BRIP1: variants seen among roughly 807,000 people sequenced by gnomAD.
BRIP1 encodes the protein Fanconi anemia group J protein.
A neutral mutation model predicts 119.7 loss-of-function variants in BRIP1; 88 were observed. That is an observed-to-expected ratio of 0.74 (90% confidence interval 0.62 to 0.88). BRIP1 has a LOEUF of 0.88. Ranked by LOEUF, BRIP1 falls within the 40% of genes least tolerant of loss-of-function variation. The pLI is 0.00. For missense variants in BRIP1, 1,259 were observed against 1,455.4 expected (o/e 0.87, Z 2.20); for synonymous variants, 443 against 496.5 (o/e 0.89, Z 1.43).
At chr17:61,765,488 G>C (rs1209407637) in intron 14 of BRIP1, among the ~76,000 whole-genome samples, 3 of 123,842 alleles carry the variant, frequency 2.4e-5, no homozygotes, top group Non-Finnish European at 4.8e-5. Flanking sequence ...CCAGGCTGGA[G>C]TGCATGGCGT....
intron 17 of BRIP1, among the ~76,000 whole-genome samples, chr17:61,697,186 A>C (rs2061538784): frequency 6.6e-6 from 1 of 151,038 alleles, no homozygotes; most frequent in Non-Finnish European, 1.5e-5. Context: ...TCTTCTAAAA[A>C]TGCAGCCGGG....
intron 13 of BRIP1, among the ~76,000 whole-genome samples, chr17:61,777,460 G>A (rs2077551785): frequency 6.6e-6 from 1 of 152,118 alleles, no homozygotes; most frequent in Non-Finnish European, 1.5e-5. Flanking sequence ...CAGAGGTTGA[G>A]GGCTCAGTCC....
chr17:61,844,881 T>C lies in BRIP1; in HGVS notation c.627+2220A>G, dbSNP rs1331939524. ...TTCCTTCTCAGAGTTTCCTCATCTG[T>C]ACGATGGGAATACCAATATACCTGC... On this transcript the variant is annotated intron_variant, in intron 6 of 19. Coordinates refer to ENST00000259008, the MANE Select transcript of BRIP1 (RefSeq NM_032043.3). The surrounding 1 kb of genome is among the most constrained non-coding windows in gnomAD (Gnocchi z 4.7). Among the ~76,000 whole-genome samples the C allele has an allele frequency of 2.6e-5, 4 of 152,206 alleles. No homozygotes were observed. The highest frequency in any genetic ancestry group is 9.6e-5 in the African/African-American group (4 of 41,456).
rs2061319540 is a variant in BRIP1, at chr17:61,683,933, G to A, written c.3113C>T (p.Thr1038Ile). 1 of 1,614,160 alleles carries A rather than the reference G, an allele frequency of 6.2e-7. No individual in the cohort carries two copies. The highest frequency in any genetic ancestry group is 8.5e-7 in the Non-Finnish European group (1 of 1,180,018). ...AACAGTTTTACTTTCCATCTTCTCT[G>A]TTTTGAAACGGGGAGGACTAGAGGC... ...NSASSPPRFKTEKMESKTVLP... is the reference protein window; with the variant it reads ...NSASSPPRFKIEKMESKTVLP... The change falls in exon 20 of 20, where the codon ACA (threonine) becomes ATA (isoleucine). Residue 1038 changes from threonine to isoleucine, a missense_variant. By Grantham distance (89) the Thr-to-Ile change is moderately conservative. This residue lies in a region of BRIP1 where 753 missense variants were observed against 891.8 expected (regional missense o/e 0.84). Transcript: ENST00000259008. The surrounding 1 kb of genome is among the most constrained non-coding windows in gnomAD (Gnocchi z 4.7).
rs770306753 is a variant in BRIP1 at position 61,801,303 on chromosome 17, T to A, written c.1090A>T (p.Ile364Phe). 5.6e-6 allele frequency: 9 copies of A among 1,613,958 alleles called. No individual in the cohort carries two copies. In the Admixed American group the frequency reaches 1.5e-4, roughly 27 times the overall value. Residue 364 changes from isoleucine (I) to phenylalanine (F), a missense_variant, in exon 8 of 20, where the codon ATC (isoleucine) becomes TTC (phenylalanine). By Grantham distance (21) the Ile-to-Phe change is conservative. This residue lies in a region of BRIP1 where 501 missense variants were observed against 544.0 expected (regional missense o/e 0.92). Coordinates refer to ENST00000259008, the MANE Select transcript of BRIP1 (RefSeq NM_032043.3). ...TARELIQDAD[I>F]IFCPYNYLLD... ...AGATAGTTGTAGGGACAAAATATGA[T>A]GTCAGCATCTTGTATTAGTTCTCGG...
At position 61,796,017 on chromosome 17, in the gene BRIP1, C is replaced by T. The variant is rs1214622468; in HGVS notation, c.1341-2288G>A. ...AGAAATGCTGATCAATGATGTTGAG[C>T]ACTTTTCATATGTCTGATTGCCATT... On this transcript the variant is annotated intron_variant, in intron 9 of 19. Coordinates refer to ENST00000259008, the MANE Select transcript of BRIP1 (RefSeq NM_032043.3). This position sits in a 1 kb window ranked among gnomAD's most constrained non-coding sequence, Gnocchi z 4.8. Among the ~76,000 whole-genome samples, 3 of 152,124 alleles carry T rather than the reference C, an allele frequency of 2.0e-5. No individual in the cohort carries two copies. The highest frequency in any genetic ancestry group is 6.5e-5 in the Admixed American group (1 of 15,272).
chr17:61,753,357 T>C lies in BRIP1; in HGVS notation c.2098-8766A>G, dbSNP rs1433248016. On this transcript the variant is annotated intron_variant, in intron 14 of 19. Transcript: ENST00000259008. This position sits in a 1 kb window ranked among gnomAD's most constrained non-coding sequence, Gnocchi z 4.6. The stretch of plus-strand genomic sequence containing the variant: ...TACCATTCATTCATACAGGCAACAC[T>C]GGCAAAGGACCAAGACTGGAAGGAA... Among the ~76,000 whole-genome samples, 7 of 152,164 alleles carry C rather than the reference T, an allele frequency of 4.6e-5. No homozygotes were observed. Among genetic ancestry groups the C allele is most frequent in the Non-Finnish European group, 8.8e-5 (6 of 68,028 alleles).
At chr17:61,766,569 T>G (rs1222603605) in intron 14 of BRIP1, among the ~76,000 whole-genome samples, 1 of 152,170 alleles carries the variant, frequency 6.6e-6, no homozygotes, top group Non-Finnish European at 1.5e-5. Flanking sequence ...GCGGTACAGC[T>G]TTAAAAATGA....
intron 3 of BRIP1, among the ~76,000 whole-genome samples, chr17:61,858,905 A>T (rs1336935496): frequency 6.6e-6 from 1 of 152,152 alleles, no homozygotes; most frequent in Non-Finnish European, 1.5e-5. Context: ...TAGCAAACAA[A>T]GTAAAAATAG....
intron 6 of BRIP1, among the ~76,000 whole-genome samples, chr17:61,837,586 G>C (rs1417350211): frequency 6.6e-6 from 1 of 152,026 alleles, no homozygotes; most frequent in Non-Finnish European, 1.5e-5. Flanking sequence ...TATATCTGAA[G>C]ACAACCCTGG....
chr17:61,842,453 G>A lies in BRIP1; in HGVS notation c.627+4648C>T, dbSNP rs1012006755. Among the ~76,000 whole-genome samples, 4 of 151,928 alleles carry A rather than the reference G, an allele frequency of 2.6e-5. No homozygotes were observed. The highest frequency in any genetic ancestry group is 7.3e-5 in the African/African-American group (3 of 41,334). ...CTGTAAGAGAGAATTCTGAATATTC[G>A]CAACACAAAGAAATGACAAATGTTT... is the stretch of plus-strand genomic sequence containing the variant. On this transcript the variant is annotated intron_variant, in intron 6 of 19. Coordinates refer to ENST00000259008, the MANE Select transcript of BRIP1 (RefSeq NM_032043.3). This position sits in a 1 kb window ranked among gnomAD's most constrained non-coding sequence, Gnocchi z 5.1.
Position 61,686,497 on chromosome 17 carries a change from T to C in BRIP1, c.2576-332A>G, listed in dbSNP as rs1389853093. On this transcript the variant is annotated intron_variant, in intron 18 of 19. Transcript: ENST00000259008. This position sits in a 1 kb window ranked among gnomAD's most constrained non-coding sequence, Gnocchi z 5.4. ...ATTTCATCATAATTCCCCACAAAAA[T>C]TGCCTTTTTTTTTTGTAGGGAAACT... 6.6e-6 allele frequency among the ~76,000 whole-genome samples: 1 copy of C among 152,004 alleles called. No individual in the cohort carries two copies. The highest frequency in any genetic ancestry group is 2.4e-5 in the African/African-American group (1 of 41,420).
At position 61,683,209 on chromosome 17, in the gene BRIP1, C is replaced by T. The variant is rs557749565; in HGVS notation, c.*87G>A. The T allele has an allele frequency of 7.2e-7, 1 of 1,396,720 alleles. No homozygotes were observed. Among genetic ancestry groups the T allele is most frequent in the African/African-American group, 1.5e-5 (1 of 68,912 alleles). The allele number at this position is 1,396,720 out of a possible 1,614,324, so 86.5% of individuals were successfully genotyped here. On this transcript the variant is annotated 3_prime_UTR_variant, in exon 20 of 20. Coordinates refer to ENST00000259008, the MANE Select transcript of BRIP1 (RefSeq NM_032043.3). The surrounding 1 kb of genome is among the most constrained non-coding windows in gnomAD (Gnocchi z 4.7). The stretch of plus-strand genomic sequence containing the variant: ...AAATAGTTTTTTAAAAAGTATGCCA[C>T]TTATTCAATTTACAAATTATTACTT...
At chr17:61,779,980 T>A (rs2077589582) in intron 13 of BRIP1, among the ~76,000 whole-genome samples, 1 of 152,038 alleles carries the variant, frequency 6.6e-6, no homozygotes, top group Non-Finnish European at 1.5e-5. Flanking sequence ...AATTATACAA[T>A]GAGAATTAAA....
rs1465020829 is a variant in BRIP1, at chr17:61,689,838, C to T, written c.2575+3592G>A. Among the ~76,000 whole-genome samples the T allele has an allele frequency of 1.3e-5, 2 of 152,004 alleles. No homozygotes were observed. The highest frequency in any genetic ancestry group is 2.9e-5 in the Non-Finnish European group (2 of 67,978). ...TTAGCCTGGGCAACATAGTGAGACC[C>T]CATCTCTACAAAAAAAATTAAAAAT... is the stretch of plus-strand genomic sequence containing the variant. On this transcript the variant is annotated intron_variant, in intron 18 of 19. Coordinates refer to ENST00000259008, the MANE Select transcript of BRIP1 (RefSeq NM_032043.3). The surrounding 1 kb of genome is among the most constrained non-coding windows in gnomAD (Gnocchi z 4.5).
rs1052789313 is a variant in BRIP1, at chr17:61,804,068, T to C, written c.919-2594A>G. Among the ~76,000 whole-genome samples the C allele has an allele frequency of 4.6e-5, 7 of 152,126 alleles. No individual in the cohort carries two copies. Among genetic ancestry groups the C allele is most frequent in the Non-Finnish European group, 5.9e-5 (4 of 68,004 alleles). On this transcript the variant is annotated intron_variant, in intron 7 of 19. Transcript: ENST00000259008. This position sits in a 1 kb window ranked among gnomAD's most constrained non-coding sequence, Gnocchi z 4.5. The stretch of plus-strand genomic sequence containing the variant: ...TGCTTTTTTAAAGAATATGTGCACA[T>C]ACATTATAGCAAATACATTTTTTAA...
rs1424345064 is a variant in BRIP1 at position 61,682,717 on chromosome 17, C to G, written c.*579G>C. ...TGTGAAAACAAATGGATGAAGAGAACCACCTAATATGAATATTTACGTGAA... is the reference window on the plus strand; with the variant it reads ...TGTGAAAACAAATGGATGAAGAGAAGCACCTAATATGAATATTTACGTGAA... On this transcript the variant is annotated 3_prime_UTR_variant, in exon 20 of 20. Coordinates refer to ENST00000259008, the MANE Select transcript of BRIP1 (RefSeq NM_032043.3). The surrounding 1 kb of genome is among the most constrained non-coding windows in gnomAD (Gnocchi z 4.9). 2.1e-5 allele frequency: 4 copies of G among 194,260 alleles called. No homozygotes were observed. In the Admixed American group the frequency reaches 2.4e-4, roughly 12 times the overall value. The allele number at this position is 194,260 out of a possible 1,614,324, so 12.0% of individuals were successfully genotyped here. A position where few individuals can be genotyped will look rare whatever the true frequency, so the allele number is the denominator to read the frequency against.
Position 61,780,828 on chromosome 17 carries a change from T to C in BRIP1, c.1794+12A>G, listed in dbSNP as rs773521085. On this transcript the variant is annotated intron_variant, in intron 12 of 19. Transcript: ENST00000259008. This position sits in a 1 kb window ranked among gnomAD's most constrained non-coding sequence, Gnocchi z 5.4. ...CAAGAAGACAAAATTTCCATTTACATGATGAGCTTACCACAGCTGGATTTA... is the reference window on the plus strand; with the variant it reads ...CAAGAAGACAAAATTTCCATTTACACGATGAGCTTACCACAGCTGGATTTA... The C allele has an allele frequency of 6.2e-7, 1 of 1,613,542 alleles. No homozygotes were observed. Among genetic ancestry groups the C allele is most frequent in the South Asian group, 1.1e-5 (1 of 91,068 alleles).
rs1219754478 is a variant in BRIP1, at chr17:61,722,147, T to C, written c.2380-6084A>G. ...ACTTCTGCCTCTTGGGTTCAAGTGA[T>C]TCTCCTGCCTCAGCCTCCTGAGTAG... On this transcript the variant is annotated intron_variant, in intron 16 of 19. Transcript: ENST00000259008. The surrounding 1 kb of genome is among the most constrained non-coding windows in gnomAD (Gnocchi z 4.6). Among the ~76,000 whole-genome samples, 3 of 151,544 alleles carry C rather than the reference T, an allele frequency of 2.0e-5. No homozygotes were observed. The highest frequency in any genetic ancestry group is 4.4e-5 in the Non-Finnish European group (3 of 67,926).
Sources: allele counts gnomAD v4.1 joint callset (sites outside exome capture counted in the v4.1 genomes callset), GRCh38; gene constraint gnomAD v4.1.1; regional missense constraint gnomAD v4.1.1; non-coding constraint Gnocchi (gnomAD v3.1); transcripts MANE v1.5; gene names NCBI Gene and HGNC (gene_info 2026-07-23, HGNC 2026-07-21).